Variants in FMN2 observed in about 807,000 individuals in gnomAD.
FMN2 encodes formin 2, also known as formin-2.
A neutral mutation model predicts 142.3 loss-of-function variants in FMN2; 51 were observed. The observed-to-expected ratio is 0.36, with a 90% CI of 0.29 to 0.45. The LOEUF (loss-of-function observed/expected upper bound fraction) is 0.45, where lower values mean the gene tolerates loss of function less well. Ranked by LOEUF, FMN2 falls within the 20% of genes least tolerant of loss-of-function variation. FMN2 has a pLI of 1.00. For synonymous variants in FMN2, 882 were observed against 869.8 expected, an observed-to-expected ratio of 1.01 and a Z score of -0.25; for missense variants, 1,936 against 2,122.8, an observed-to-expected ratio of 0.91 and a Z score of 1.73.
intron 2 of FMN2, among the ~76,000 whole-genome samples, chr1:240,127,120 G>C (rs979628585): frequency 1.7e-4 from 25 of 151,112 alleles, no homozygotes; most frequent in African/African-American, 5.3e-4. Flanking sequence ...AAGGAATATG[G>C]CTTTTTTTTT....
At chr1:240,159,941 A>G (rs1664203415) in intron 2 of FMN2, among the ~76,000 whole-genome samples, 1 of 112,888 alleles carries the variant, frequency 8.9e-6, no homozygotes, top group South Asian at 3.6e-4. Flanking sequence ...ATTTGTGTAT[A>G]TATATATATC....
In FMN2 at chr1:240,092,901, G is replaced by T; in HGVS notation, c.792G>T (p.Pro264=). Reference sequence around the variant, plus strand: ...CGAGCGGCGGGGCTGGGGAGGCCCCGGGCAGTCCGGACACCGAGCAGGCGC... The same window carrying T: ...CGAGCGGCGGGGCTGGGGAGGCCCCTGGCAGTCCGGACACCGAGCAGGCGC... ...LGPSGGAGEA[P]GSPDTEQALS... is the part of the protein sequence containing the mutation. Residue 264 remains proline, a synonymous_variant, in exon 1 of 18, where the codon CCG becomes CCT. Transcript: ENST00000319653. 6.7e-7 allele frequency: 1 copy of T among 1,501,694 alleles called. No homozygotes were observed. Among genetic ancestry groups the T allele is most frequent in the Admixed American group, 2.2e-5 (1 of 44,892 alleles). 93.0% of individuals were successfully genotyped at this position (1,501,694 alleles called of 1,614,324 possible). A position where few individuals can be genotyped will look rare whatever the true frequency, so the allele number is the denominator to read the frequency against.
chr1:240,147,405 T>A (rs1175042055), intron 2 of FMN2, among the ~76,000 whole-genome samples: 1 of 152,168 alleles, frequency 6.6e-6, no homozygotes, highest in Non-Finnish European at 1.5e-5. Flanking sequence ...GCCGCCTTAG[T>A]GTTGAGGCTG....
intron 6 of FMN2, chr1:240,245,453 T>C (rs1351712410): frequency 2.2e-6 from 1 of 463,640 alleles, no homozygotes; most frequent in Non-Finnish European, 4.5e-6. Flanking sequence ...TGTGGCTGGA[T>C]ACCAGAAATG....
intron 14 of FMN2, among the ~76,000 whole-genome samples, chr1:240,361,139 GTGTATATATATA>G (rs1436093522): frequency 1.0e-4 from 1 of 9,546 alleles, no homozygotes; most frequent in Admixed American, 2.0e-3. Context: ...ATAAATATAT[GTGTATATATATA>G]TATATATATA....
intron 15 of FMN2, among the ~76,000 whole-genome samples, chr1:240,427,111 T>C (rs980679299): frequency 5.3e-5 from 8 of 151,864 alleles, no homozygotes; most frequent in African/African-American, 1.9e-4. Context: ...GGCCCTAATA[T>C]CACCAAATAC....
At chr1:240,160,028 T>A (rs946045468) in intron 2 of FMN2, among the ~76,000 whole-genome samples, 3 of 140,972 alleles carry the variant, frequency 2.1e-5, no homozygotes, top group Admixed American at 7.0e-5. Flanking sequence ...GTCTTCAGTT[T>A]GTTCCTCATC....
intron 1 of FMN2, among the ~76,000 whole-genome samples, chr1:240,104,023 C>T (rs1661510983): frequency 6.6e-6 from 1 of 151,370 alleles, no homozygotes; most frequent in Admixed American, 6.6e-5. Flanking sequence ...ACTACAGGCG[C>T]CCGCCACCTC....
At position 240,180,245 on chromosome 1, in the gene FMN2, A is replaced by G. The variant is rs1473545343; in HGVS notation, c.1930+2177A>G. On this transcript the variant is annotated intron_variant, in intron 3 of 17. Coordinates refer to ENST00000319653, the MANE Select transcript of FMN2 (RefSeq NM_020066.5). ...TTGATCTATAAACCCCAGCAGTCAT[A>G]TAGCATTTTTTCATCAGAGTGATCT... is the stretch of plus-strand genomic sequence containing the variant. 6.4e-6 allele frequency: 7 copies of G among 1,102,212 alleles called. No individual in the cohort carries two copies. In the South Asian group the frequency reaches 7.0e-5, roughly 11 times the overall value. 68.3% of individuals were successfully genotyped at this position (1,102,212 alleles called of 1,614,324 possible). A position where few individuals can be genotyped will look rare whatever the true frequency, so the allele number is the denominator to read the frequency against.
intron 1 of FMN2, among the ~76,000 whole-genome samples, chr1:240,100,870 T>C (rs575363039): frequency 3.1e-4 from 47 of 152,208 alleles, no homozygotes; most frequent in Non-Finnish European, 5.0e-4. Context: ...ATCAAGCCTA[T>C]ATTATGTTTC....
At chr1:240,103,865 A>G (rs1038198035) in intron 1 of FMN2, among the ~76,000 whole-genome samples, 6 of 151,978 alleles carry the variant, frequency 3.9e-5, no homozygotes, top group Admixed American at 2.6e-4. Flanking sequence ...TATTAAATAT[A>G]TTAATATAGA....
intron 3 of FMN2, chr1:240,179,226 A>G (rs1665051618): frequency 6.6e-6 from 1 of 152,068 alleles, no homozygotes; most frequent in African/African-American, 2.4e-5. Context: ...GTTTCATGTC[A>G]TTGCCTTATT....
chr1:240,457,350 T>G (rs1397277933), intron 16 of FMN2: 1 of 152,218 alleles, frequency 6.6e-6, no homozygotes, highest in Non-Finnish European at 1.5e-5. Context: ...CCTTCCACAT[T>G]CTTCAAACTG....
intron 15 of FMN2, among the ~76,000 whole-genome samples, chr1:240,398,562 A>G (rs1673868106): frequency 6.6e-6 from 1 of 152,206 alleles, no homozygotes; most frequent in African/African-American, 2.4e-5. Context: ...AAAAGTAAAA[A>G]TAAGAATAAT....
rs553488681 is a variant in FMN2 at position 240,093,658 on chromosome 1, C to G, written c.1549C>G (p.Pro517Ala). The G allele has an allele frequency of 8.0e-6, 11 of 1,379,428 alleles. No homozygotes were observed. In the South Asian group the frequency reaches 1.3e-4, roughly 16 times the overall value. The allele number at this position is 1,379,428 out of a possible 1,614,324, so 85.4% of individuals were successfully genotyped here. Residue 517 changes from proline (P) to alanine (A), a missense_variant, in exon 1 of 18, where the codon CCA (proline) becomes GCA (alanine). Transcript: ENST00000319653. ...GAGTGACAGCGGCGGTGGGGTGTCCCCAGCACTGGCCGCCAAGGCGTCTGG... is the reference window on the plus strand; with the variant it reads ...GAGTGACAGCGGCGGTGGGGTGTCCGCAGCACTGGCCGCCAAGGCGTCTGG... ...VASDSGGGVS[P>A]ALAAKASGAP...
intron 13 of FMN2, among the ~76,000 whole-genome samples, chr1:240,338,998 G>A (rs949116294): frequency 1.3e-5 from 2 of 152,148 alleles, no homozygotes; most frequent in East Asian, 3.9e-4. Context: ...GCAGTTCACG[G>A]TAGGGTCCTG....
In FMN2 at chr1:240,207,849, C is replaced by T; in HGVS notation, c.3037C>T (p.Pro1013Ser). Residue 1013 changes from proline to serine, a missense_variant, in exon 5 of 18, where the codon CCT (proline) becomes TCT (serine). Physicochemically the swap from Pro to Ser is moderately conservative, Grantham distance 74. Around this residue, in one of 8 missense-constraint regions of FMN2, gnomAD observed 63 missense variants for 86.3 expected, o/e 0.73. Transcript: ENST00000319653. The part of the protein sequence containing the change: ...LPGAGIPPPP[P>S]LPGAGIPPPP... ...CGGAGCGGGCATACCCCCTCCTCCC[C>T]CTCTTCCCGGAGCGGGCATACCTCC... 4.2e-6 allele frequency: 2 copies of T among 476,934 alleles called. No homozygotes were observed. The highest frequency in any genetic ancestry group is 4.3e-5 in the South Asian group (2 of 46,324). 29.5% of individuals were successfully genotyped at this position (476,934 alleles called of 1,614,324 possible). A position where few individuals can be genotyped will look rare whatever the true frequency, so the allele number is the denominator to read the frequency against.
At chr1:240,433,122 A>G (rs749432129) in intron 15 of FMN2, among the ~76,000 whole-genome samples, 1 of 152,148 alleles carries the variant, frequency 6.6e-6, no homozygotes, top group Non-Finnish European at 1.5e-5. Context: ...TTTTTGCTTC[A>G]TGAATTTTGA....
chr1:240,448,177 A>G (rs1675891530), intron 16 of FMN2, among the ~76,000 whole-genome samples: 1 of 152,190 alleles, frequency 6.6e-6, no homozygotes, highest in South Asian at 2.1e-4. Context: ...CTGCTGGAAA[A>G]AGCTATTAAA....
Sources: allele counts gnomAD v4.1 joint callset (sites outside exome capture counted in the v4.1 genomes callset), GRCh38; gene constraint gnomAD v4.1.1; regional missense constraint gnomAD v4.1.1; transcripts MANE v1.5; gene names NCBI Gene and HGNC (gene_info 2026-07-23, HGNC 2026-07-21).